Variants in CDH11 observed in about 807,000 individuals in gnomAD.
CDH11 encodes the protein cadherin-11.
In CDH11, 11 loss-of-function variants were observed where a neutral mutation model predicts 67.8. The ratio of observed to expected loss-of-function variants is 0.16; its 90% CI spans 0.10 to 0.27. The LOEUF (loss-of-function observed/expected upper bound fraction) is 0.27, where lower values mean the gene tolerates loss of function less well. CDH11 is among the 10% of genes least tolerant of loss of function. The probability of loss-of-function intolerance (pLI) is 1.00; values close to 1 mark genes in which losing one functional copy is unlikely to be tolerated. For synonymous variants in CDH11, 419 were observed against 400.0 expected, an observed-to-expected ratio of 1.05 and a Z score of -0.57; for missense variants, 847 against 1,031.2, an observed-to-expected ratio of 0.82 and a Z score of 2.45.
intron 8 of CDH11, among the ~76,000 whole-genome samples, chr16:64,975,659 A>G (rs1411301581): frequency 6.6e-6 from 1 of 152,164 alleles, no homozygotes; most frequent in Non-Finnish European, 1.5e-5. Flanking sequence ...TATTGTGAAT[A>G]GTGCTGTGAT....
chr16:65,010,205 C>T (rs1458842956), intron 2 of CDH11, among the ~76,000 whole-genome samples: 1 of 152,108 alleles, frequency 6.6e-6, no homozygotes, highest in Admixed American at 6.5e-5. Flanking sequence ...CACACCAGAG[C>T]TCAAAACCCC....
At chr16:64,990,152 A>C (rs1289567860) in intron 6 of CDH11, among the ~76,000 whole-genome samples, 2 of 152,194 alleles carry the variant, frequency 1.3e-5, no homozygotes, top group Non-Finnish European at 2.9e-5. Flanking sequence ...TAACTTTACT[A>C]TATGATTGTC....
intron 1 of CDH11, among the ~76,000 whole-genome samples, chr16:65,098,752 T>C (rs1161637856): frequency 1.3e-5 from 2 of 152,174 alleles, no homozygotes; most frequent in Non-Finnish European, 1.5e-5. Context: ...TTACTTAAGA[T>C]AAGAAATTGT....
chr16:64,948,656 G>A (rs1161691879), intron 12 of CDH11: 5 of 1,611,642 alleles, frequency 3.1e-6, no homozygotes, highest in Non-Finnish European at 1.7e-6. Flanking sequence ...AGGAAAGGAA[G>A]TTTTATAAAG....
chr16:65,071,066 A>T (rs913927599), intron 1 of CDH11, among the ~76,000 whole-genome samples: 11 of 152,196 alleles, frequency 7.2e-5, no homozygotes, highest in African/African-American at 2.4e-4. Context: ...CATTGAACAA[A>T]CAGTTCAAAA....
chr16:65,007,161 T>C (rs1334639964), intron 2 of CDH11: 1 of 152,204 alleles, frequency 6.6e-6, no homozygotes, highest in Non-Finnish European at 1.5e-5. Flanking sequence ...TACAGATCCA[T>C]TCCATTTTGA....
chr16:64,988,137 G>A lies in CDH11; in HGVS notation c.999+20C>T, dbSNP rs1597057912. 6.3e-7 allele frequency: 1 copy of A among 1,588,756 alleles called. No individual in the cohort carries two copies. The highest frequency in any genetic ancestry group is 2.3e-5 in the East Asian group (1 of 44,374). On this transcript the variant is annotated intron_variant, in intron 7 of 12. Coordinates refer to ENST00000268603, the MANE Select transcript of CDH11 (RefSeq NM_001797.4). ...AGCAGGCCATACCACTGACACGTCT[G>A]ATTCCTTACCCTAACTCACCTTTTT...
rs144687158 is a variant in CDH11, at chr16:65,121,624, G to A, written c.-298+256C>T. On this transcript the variant is annotated intron_variant, in intron 1 of 12. Coordinates refer to ENST00000268603, the MANE Select transcript of CDH11 (RefSeq NM_001797.4). The surrounding 1 kb of genome is among the most constrained non-coding windows in gnomAD (Gnocchi z 4.1). ...CCCCACAGGAGGCCGGAGCCAGGGA[G>A]AGTCGTGGAGCGCACATCTGAAGCC... Among the ~76,000 whole-genome samples, 1 of 152,232 alleles carries A rather than the reference G, an allele frequency of 6.6e-6. No individual in the cohort carries two copies. The highest frequency in any genetic ancestry group is 6.5e-5 in the Admixed American group (1 of 15,292).
intron 1 of CDH11, among the ~76,000 whole-genome samples, chr16:65,068,030 G>C (rs934678454): frequency 2.5e-5 from 3 of 118,000 alleles, no homozygotes; most frequent in Non-Finnish European, 5.4e-5. Context: ...AGGGAAAGCA[G>C]GGAGGGAGGG....
chr16:64,951,795 C>T lies in CDH11; in HGVS notation c.1643-777G>A, dbSNP rs550182150. On this transcript the variant is annotated intron_variant, in intron 11 of 12. Transcript: ENST00000268603. Reference sequence around the variant, plus strand: ...TCCACTCATTAGTCATGTAAATATACATGCTTTAAAGAGAGGAACTATTTT... The same window carrying T: ...TCCACTCATTAGTCATGTAAATATATATGCTTTAAAGAGAGGAACTATTTT... Among the ~76,000 whole-genome samples the T allele has an allele frequency of 3.9e-5, 6 of 152,242 alleles. No homozygotes were observed. In the East Asian group the frequency reaches 9.7e-4, roughly 25 times the overall value.
At chr16:65,114,519 C>T (rs1332156922) in intron 1 of CDH11, among the ~76,000 whole-genome samples, 2 of 152,058 alleles carry the variant, frequency 1.3e-5, no homozygotes, top group Admixed American at 6.6e-5. Context: ...ACCTTCCTCT[C>T]GGGGGGTTGT....
intron 2 of CDH11, among the ~76,000 whole-genome samples, chr16:65,038,058 A>G (rs949100100): frequency 6.6e-6 from 1 of 152,114 alleles, no homozygotes; most frequent in Non-Finnish European, 1.5e-5. Flanking sequence ...AAAACTCCAA[A>G]GAAATGAGGA....
At chr16:65,018,543 G>T (rs931408296) in intron 2 of CDH11, among the ~76,000 whole-genome samples, 1 of 152,170 alleles carries the variant, frequency 6.6e-6, no homozygotes, top group East Asian at 1.9e-4. Context: ...TCCAAATTTT[G>T]CTCACAGTAG....
intron 2 of CDH11, among the ~76,000 whole-genome samples, chr16:65,032,289 C>G (rs1337211884): frequency 2.0e-5 from 3 of 149,326 alleles, no homozygotes; most frequent in Non-Finnish European, 4.4e-5. Flanking sequence ...GAGTTCGAGA[C>G]CAGCCTGGGC....
In CDH11 at chr16:64,996,477, G is replaced by A. The variant is rs974073112; in HGVS notation, c.523+2085C>T. On this transcript the variant is annotated intron_variant, in intron 4 of 12. Transcript: ENST00000268603. The stretch of plus-strand genomic sequence containing the variant: ...TGCACTGCAGCCTGGGCAACAGAGC[G>A]AGACTCTGTCTCAGAAAAAAAAAAA... 5.1e-5 allele frequency among the ~76,000 whole-genome samples: 7 copies of A among 136,664 alleles called. No individual in the cohort carries two copies. In the South Asian group the frequency reaches 1.8e-3, roughly 36 times the overall value. 89.7% of individuals were successfully genotyped at this position (136,664 alleles called of 152,430 possible). A position where few individuals can be genotyped will look rare whatever the true frequency, so the allele number is the denominator to read the frequency against.
At chr16:65,037,375 C>T (rs2073773616) in intron 2 of CDH11, among the ~76,000 whole-genome samples, 1 of 152,096 alleles carries the variant, frequency 6.6e-6, no homozygotes, top group Non-Finnish European at 1.5e-5. Context: ...ACCTGGACTC[C>T]ATCAGTCACT....
At chr16:65,078,163 A>G (rs2074548158) in intron 1 of CDH11, among the ~76,000 whole-genome samples, 1 of 152,232 alleles carries the variant, frequency 6.6e-6, no homozygotes, top group Non-Finnish European at 1.5e-5. Flanking sequence ...GGAAAAGTCA[A>G]AGAAACCTCC....
chr16:65,043,565 A>G (rs1316776665), intron 2 of CDH11, among the ~76,000 whole-genome samples: 1 of 152,204 alleles, frequency 6.6e-6, no homozygotes, highest in African/African-American at 2.4e-5. Context: ...CTGCCCTGGA[A>G]AAGAGCATGA....
intron 12 of CDH11, chr16:64,948,587 C>G (rs182813649): frequency 5.0e-6 from 8 of 1,593,046 alleles, no homozygotes; most frequent in Non-Finnish European, 6.9e-6. Flanking sequence ...TGGTCCTATA[C>G]TAACTTAATG....
Sources: allele counts gnomAD v4.1 joint callset (sites outside exome capture counted in the v4.1 genomes callset), GRCh38; gene constraint gnomAD v4.1.1; non-coding constraint Gnocchi (gnomAD v3.1); transcripts MANE v1.5; gene names NCBI Gene and HGNC (gene_info 2026-07-23, HGNC 2026-07-21).